EGFL6: variants seen among roughly 807,000 people sequenced by gnomAD.
EGFL6 encodes EGF like domain multiple 6.
Under a neutral mutation model 43.1 loss-of-function variants are expected in EGFL6, and 42 were observed. The observed-to-expected ratio is 0.98, with a 90% CI of 0.76 to 1.26. The LOEUF (loss-of-function observed/expected upper bound fraction) is 1.26. Ranked by LOEUF, EGFL6 falls within the 50% of genes most tolerant of loss-of-function variation. The pLI, the probability that EGFL6 is intolerant of heterozygous loss-of-function variation, is 0.00. For missense variants in EGFL6, 429 were observed against 427.8 expected (o/e 1.00, Z -0.02); for synonymous variants, 164 against 163.2 (o/e 1.01, Z -0.04).
intron 11 of EGFL6, among the ~76,000 whole-genome samples, chrX:13,630,029 A>G (rs969842433): frequency 2.7e-5 from 3 of 111,918 alleles, no homozygotes; most frequent in Non-Finnish European, 5.6e-5. Context: ...ATCTAGCCTC[A>G]ATAGGAACAT....
chrX:13,587,733 A>G (rs1204613364), intron 1 of EGFL6, among the ~76,000 whole-genome samples: 1 of 112,182 alleles, frequency 8.9e-6, no homozygotes, highest in East Asian at 2.8e-4. Context: ...AATAATATTT[A>G]GCATGCTATC....
At chrX:13,595,048 C>A in intron 3 of EGFL6, 120 bp downstream of exon 3, 2 of 431,019 alleles carry the variant, frequency 4.6e-6, no homozygotes, top group Non-Finnish European at 7.4e-6. Flanking sequence ...AATGAAGGTG[C>A]TTTCAGGACA....
intron 1 of EGFL6, among the ~76,000 whole-genome samples, chrX:13,583,605 C>A (rs1304683529): frequency 8.9e-6 from 1 of 111,989 alleles, no homozygotes; most frequent in Non-Finnish European, 1.9e-5. Context: ...CTCAGTTTTT[C>A]TTGGCCTTAG....
In EGFL6 at chrX:13,631,624, A is replaced by T. The variant is rs191952143; in HGVS notation, c.1552-1361A>T. 8.3e-3 allele frequency among the ~76,000 whole-genome samples: 909 copies of T among 109,830 alleles called. 1 individual carries two copies. The highest frequency in any genetic ancestry group is 0.012 in the Non-Finnish European group (658 of 52,669). ...TGGTGAAACCCTGTACTAAAAATTT[A>T]AAAAATTTAAAAAATTAGCTGGGCA... On this transcript the variant is annotated intron_variant, in intron 11 of 11. Transcript: ENST00000361306.
At chrX:13,593,466 C>T (rs1358216581) in intron 2 of EGFL6, among the ~76,000 whole-genome samples, 1 of 111,358 alleles carries the variant, frequency 9.0e-6, no homozygotes, top group Non-Finnish European at 1.9e-5. Flanking sequence ...AGCGGCTAGG[C>T]AGAGATATGG....
intron 2 of EGFL6, among the ~76,000 whole-genome samples, chrX:13,593,986 A>C (rs181752369): frequency 9.0e-6 from 1 of 111,166 alleles, no homozygotes; most frequent in African/African-American, 3.3e-5. Flanking sequence ...CTATTTCTTG[A>C]GCTCCTACTA....
intron 7 of EGFL6, among the ~76,000 whole-genome samples, chrX:13,612,707 G>C (rs942575869): frequency 9.0e-6 from 1 of 111,020 alleles, no homozygotes; most frequent in Non-Finnish European, 1.9e-5. Context: ...GTGGCTAGCC[G>C]GGCCAAAATC....
At chrX:13,606,857 T>C (rs998271348) in intron 6 of EGFL6, among the ~76,000 whole-genome samples, 1 of 112,351 alleles carries the variant, frequency 8.9e-6, no homozygotes, top group African/African-American at 3.2e-5. Context: ...ATCAGAACAA[T>C]AAAGCAGTAT....
chrX:13,578,185 T>C (rs1320030165), intron 1 of EGFL6, among the ~76,000 whole-genome samples: 2 of 111,214 alleles, frequency 1.8e-5, no homozygotes, highest in Non-Finnish European at 3.8e-5. Context: ...AGTTATCTAT[T>C]GCTATGCAAC....
At chrX:13,589,715 G>A (rs2045553388) in intron 2 of EGFL6, 47 bp downstream of exon 2, 2 of 1,078,809 alleles carry the variant, frequency 1.9e-6, no homozygotes, top group African/African-American at 1.8e-5. Context: ...AGGGCCCTTA[G>A]GTTTTTATCT....
intron 2 of EGFL6, among the ~76,000 whole-genome samples, chrX:13,590,558 T>G (rs1312281510): frequency 8.9e-6 from 1 of 112,002 alleles, no homozygotes; most frequent in East Asian, 2.8e-4. Context: ...CACTAACATG[T>G]TAGCTATTTT....
intron 1 of EGFL6, among the ~76,000 whole-genome samples, chrX:13,587,380 G>T (rs2045539161): frequency 9.0e-6 from 1 of 111,662 alleles, no homozygotes; most frequent in Non-Finnish European, 1.9e-5. Flanking sequence ...ACATATTTAT[G>T]GGGTACATGT....
chrX:13,621,375 C>T (rs1362689613), intron 9 of EGFL6, among the ~76,000 whole-genome samples: 1 of 111,831 alleles, frequency 8.9e-6, no homozygotes, highest in Admixed American at 9.4e-5. Context: ...TATACCAACT[C>T]CCATCTGGCA....
chrX:13,592,327 C>G (rs1234457436), intron 2 of EGFL6, among the ~76,000 whole-genome samples: 1 of 111,939 alleles, frequency 8.9e-6, no homozygotes, highest in Non-Finnish European at 1.9e-5. Context: ...TCTTTTGTCT[C>G]TAAAAGTGGA....
At chrX:13,577,343 CAT>C (rs1379859114) in intron 1 of EGFL6, among the ~76,000 whole-genome samples, 609 of 7,802 alleles carry the variant, frequency 0.078, 7 homozygotes, top group African/African-American at 0.16. Flanking sequence ...TATATATATA[CAT>C]ACACACACAC....
rs889684547 is a variant in EGFL6 at position 13,612,618 on chromosome X, G to A, written c.778+4172G>A. ...AGGGGCTCCTCACTTCCCAGACGGG[G>A]CGGCTGGGCAGAGGCACCCCCCACC... is the stretch of plus-strand genomic sequence containing the variant. On this transcript the variant is annotated intron_variant, in intron 7 of 11. Transcript: ENST00000361306. Among the ~76,000 whole-genome samples, 116 of 110,844 alleles carry A rather than the reference G, an allele frequency of 1.0e-3. 2 individuals are homozygous for A. The highest frequency in any genetic ancestry group is 6.1e-4 in the Non-Finnish European group (32 of 52,704).
chrX:13,577,327 T>C (rs201331880), intron 1 of EGFL6, among the ~76,000 whole-genome samples: 3 of 16,711 alleles, frequency 1.8e-4, no homozygotes, highest in African/African-American at 4.8e-4. Context: ...TATATATATA[T>C]ATATATATAT....
At chrX:13,592,277 A>G in intron 2 of EGFL6, among the ~76,000 whole-genome samples, 1 of 111,005 alleles carries the variant, frequency 9.0e-6, no homozygotes, top group Non-Finnish European at 1.9e-5. Flanking sequence ...CTCCAAGTAC[A>G]TATCCATAAC....
At chrX:13,602,148 A>T (rs2045637517) in intron 4 of EGFL6, among the ~76,000 whole-genome samples, 1 of 111,277 alleles carries the variant, frequency 9.0e-6, no homozygotes, top group African/African-American at 3.3e-5. Context: ...AAGTGTCCAG[A>T]TAGCCCTAGA....
Sources: gnomAD v4.1 joint callset for allele counts (sites outside exome capture counted in the v4.1 genomes callset) on GRCh38, gnomAD v4.1.1 for gene constraint, MANE v1.5 for transcripts, NCBI Gene and HGNC (gene_info 2026-07-23, HGNC 2026-07-21) for gene names.